MEGF11: variants seen among roughly 807,000 people sequenced by gnomAD.
MEGF11 encodes the protein multiple epidermal growth factor-like domains protein 11.
A neutral mutation model predicts 146.6 loss-of-function variants in MEGF11; 126 were observed. That is an observed-to-expected ratio of 0.86 (90% CI 0.74 to 1.00). The LOEUF is 1.00. MEGF11 is among the 50% of genes least tolerant of loss of function. The pLI, the probability that MEGF11 is intolerant of heterozygous loss-of-function variation, is 0.00. For missense variants in MEGF11, 1,509 were observed against 1,521.2 expected (o/e 0.99, Z 0.13); for synonymous variants, 532 against 583.4 (o/e 0.91, Z 1.27).
chr15:66,095,851 T>C (rs2086526408), intron 4 of MEGF11, among the ~76,000 whole-genome samples: 1 of 152,194 alleles, frequency 6.6e-6, no homozygotes, highest in Non-Finnish European at 1.5e-5. Context: ...TCCCCAGTGC[T>C]GGAGCCCCGC....
Position 65,964,992 on chromosome 15 carries a change from C to T in MEGF11, c.1028G>A (p.Arg343His), listed in dbSNP as rs150597026. 40 of 1,568,500 alleles carry T rather than the reference C, an allele frequency of 2.6e-5. No individual in the cohort carries two copies. The highest frequency in any genetic ancestry group is 6.8e-5 in the African/African-American group (5 of 73,948). ...CECEPGYKGP[R>H]CQERLCPEGL... Reference sequence around the variant, plus strand: ...CTCCGGGCACAGTCGCTCCTGGCAGCGTGGGCCCTTGTAGCCAGGCTCACA... The same window carrying T: ...CTCCGGGCACAGTCGCTCCTGGCAGTGTGGGCCCTTGTAGCCAGGCTCACA... The change falls in exon 9 of 26, where the codon CGC becomes CAC. Residue 343 changes from arginine (R) to histidine (H), a missense_variant. Transcript: ENST00000395614.
rs139011152 is a variant in MEGF11, at chr15:66,180,715, C to T, written c.-8-52304G>A. Among the ~76,000 whole-genome samples the T allele has an allele frequency of 1.9e-3, 285 of 152,318 alleles. 1 individual carries two copies. The highest frequency in any genetic ancestry group is 6.4e-3 in the African/African-American group (268 of 41,564). ...CAATTTCCATTCTATTGATCCTCCC[C>T]GGGCATCAAAGCCACACTGAGTTTA... On this transcript the variant is annotated intron_variant, in intron 1 of 25. Transcript: ENST00000395614.
At chr15:66,101,546 T>C (rs968673564) in intron 4 of MEGF11, among the ~76,000 whole-genome samples, 5 of 152,202 alleles carry the variant, frequency 3.3e-5, no homozygotes, top group African/African-American at 1.2e-4. Flanking sequence ...GCCACAGCAC[T>C]GACTTCTCTC....
chr15:66,019,171 G>A (rs905331068), intron 5 of MEGF11, among the ~76,000 whole-genome samples: 1 of 152,176 alleles, frequency 6.6e-6, no homozygotes, highest in African/African-American at 2.4e-5. Context: ...GGGCCTGTGC[G>A]TGGGAACCAG....
intron 4 of MEGF11, among the ~76,000 whole-genome samples, chr15:66,103,923 G>T (rs181271501): frequency 6.6e-6 from 1 of 152,218 alleles, no homozygotes; most frequent in Non-Finnish European, 1.5e-5. Flanking sequence ...TTTCACAGCC[G>T]CAGCTTTTTC....
intron 1 of MEGF11, among the ~76,000 whole-genome samples, chr15:66,172,411 AC>A (rs35004424): frequency 0.32 from 48,899 of 152,046 alleles, 8,232 homozygotes; most frequent in East Asian, 0.45. Context: ...GACAGCATCA[AC>A]CGGCAGCCTT....
intron 10 of MEGF11, among the ~76,000 whole-genome samples, chr15:65,949,686 G>A (rs1183652901): frequency 6.6e-6 from 1 of 152,190 alleles, no homozygotes; most frequent in East Asian, 1.9e-4. Flanking sequence ...TTCCAGACAC[G>A]CAGGACCCAT....
chr15:65,916,989 G>A, intron 16 of MEGF11, 33 bp from the exon 17 acceptor site: 3 of 1,464,986 alleles, frequency 2.0e-6, no homozygotes, highest in Non-Finnish European at 2.7e-6. Context: ...AGGGTGAGGG[G>A]AAGGCAGAGA....
At chr15:66,144,704 C>T (rs2089299607) in intron 1 of MEGF11, among the ~76,000 whole-genome samples, 1 of 152,190 alleles carries the variant, frequency 6.6e-6, no homozygotes, top group South Asian at 2.1e-4. Flanking sequence ...GTACAAGTGC[C>T]CTGGGCACCA....
chr15:66,079,994 G>T (rs537577346), intron 5 of MEGF11, among the ~76,000 whole-genome samples: 120 of 152,350 alleles, frequency 7.9e-4, no homozygotes, highest in African/African-American at 2.7e-3. Context: ...GGAGAGAGGA[G>T]ACTCATATCT....
At chr15:66,154,384 C>T (rs2089677985) in intron 1 of MEGF11, among the ~76,000 whole-genome samples, 1 of 152,164 alleles carries the variant, frequency 6.6e-6, no homozygotes, top group Non-Finnish European at 1.5e-5. Context: ...GAGTACTTGC[C>T]CCGCAAGAGC....
intron 1 of MEGF11, among the ~76,000 whole-genome samples, chr15:66,136,885 T>A (rs952746937): frequency 3.4e-4 from 51 of 151,736 alleles, no homozygotes; most frequent in Admixed American, 6.6e-5. Flanking sequence ...GGAAAAAAAA[T>A]AGCCAGGCAT....
At chr15:65,984,255 G>A (rs1434386470) in intron 5 of MEGF11, among the ~76,000 whole-genome samples, 4 of 152,054 alleles carry the variant, frequency 2.6e-5, no homozygotes, top group Admixed American at 6.6e-5. Context: ...GCTGGACACC[G>A]TGGCTCATAC....
intron 1 of MEGF11, among the ~76,000 whole-genome samples, chr15:66,222,927 G>A (rs1434643793): frequency 6.6e-6 from 1 of 152,108 alleles, no homozygotes; most frequent in Non-Finnish European, 1.5e-5. Flanking sequence ...AAAAACAGTC[G>A]TGCAGTTTCT....
Position 66,118,501 on chromosome 15 carries a change from T to C in MEGF11, c.301+585A>G, listed in dbSNP as rs190224740. Among the ~76,000 whole-genome samples, 1,073 of 152,198 alleles carry C rather than the reference T, an allele frequency of 7.1e-3. 12 individuals carry two copies. The highest frequency in any genetic ancestry group is 0.025 in the African/African-American group (1,027 of 41,520). On this transcript the variant is annotated intron_variant, in intron 4 of 25. Coordinates refer to ENST00000395614, the MANE Select transcript of MEGF11 (RefSeq NM_001385028.1). The stretch of plus-strand genomic sequence containing the variant: ...AATAGGAAAAGAGGCAATGTTTGTC[T>C]TTCATGCACCCACCTCTTCTCCAAT...
At chr15:66,128,552 C>T (rs2088493652) in intron 1 of MEGF11, 141 bp from the exon 2 acceptor site, 1 of 451,008 alleles carries the variant, frequency 2.2e-6, no homozygotes, top group Non-Finnish European at 3.8e-6. Flanking sequence ...TTCACTGGTT[C>T]TGAGTAACAG....
chr15:65,980,741 C>G (rs370615614), intron 7 of MEGF11, 37 bp downstream of exon 7: 4 of 1,553,082 alleles, frequency 2.6e-6, no homozygotes, highest in Non-Finnish European at 3.5e-6. Flanking sequence ...AGGCTCAGCC[C>G]TCCAGTGCCC....
chr15:66,089,786 A>G (rs1454145134), intron 5 of MEGF11, among the ~76,000 whole-genome samples: 2 of 152,242 alleles, frequency 1.3e-5, no homozygotes, highest in Non-Finnish European at 2.9e-5. Context: ...CAGTGCTTTA[A>G]TATTCCTAAT....
chr15:66,048,367 G>A (rs1375794701), intron 5 of MEGF11, among the ~76,000 whole-genome samples: 1 of 152,228 alleles, frequency 6.6e-6, no homozygotes, highest in South Asian at 2.1e-4. Context: ...GTCACCAAGG[G>A]GGTGACCCCG....
Sources: gnomAD v4.1 joint callset for allele counts (sites outside exome capture counted in the v4.1 genomes callset) on GRCh38, gnomAD v4.1.1 for gene constraint, MANE v1.5 for transcripts, NCBI Gene and HGNC (gene_info 2026-07-23, HGNC 2026-07-21) for gene names.